Variants in ZNF684 observed in about 807,000 individuals in gnomAD.
ZNF684 encodes hypothetical protein MGC27466.
In ZNF684, 13 loss-of-function variants were observed where a neutral mutation model predicts 12.8. The ratio of observed to expected loss-of-function variants is 1.02; its 90% confidence interval spans 0.66 to 1.62. The LOEUF is 1.62. ZNF684 is among the 40% of genes most tolerant of loss of function. The pLI, the probability that ZNF684 is intolerant of heterozygous loss-of-function variation, is 0.00. For missense variants in ZNF684, 384 were observed against 446.9 expected, an observed-to-expected ratio of 0.86 and a Z score of 1.27; for synonymous variants, 118 against 151.8, an observed-to-expected ratio of 0.78 and a Z score of 1.64.
intron 4 of ZNF684, among the ~76,000 whole-genome samples, chr1:40,545,323 T>A (rs1034282638): frequency 3.3e-5 from 5 of 151,358 alleles, no homozygotes; most frequent in Non-Finnish European, 7.4e-5. Context: ...CTCTCCCCAA[T>A]TTTTTTTTGA....
chr1:40,539,965 CT>C (rs142571184), intron 2 of ZNF684, among the ~76,000 whole-genome samples: 3,764 of 151,926 alleles, frequency 0.025, 155 homozygotes, highest in African/African-American at 0.086. Flanking sequence ...TCCCCTCCCC[CT>C]ATTGTTGAAT....
intron 4 of ZNF684, among the ~76,000 whole-genome samples, chr1:40,543,495 T>G (rs939864323): frequency 6.6e-6 from 1 of 150,944 alleles, no homozygotes; most frequent in African/African-American, 2.4e-5. Context: ...CTTGCTCTGT[T>G]GCCCAGGCTG....
intron 4 of ZNF684, chr1:40,544,431 C>T (rs193020849): frequency 5.0e-5 from 21 of 416,240 alleles, no homozygotes; most frequent in East Asian, 2.8e-4. Context: ...AGTGCAGTGG[C>T]GCAATCTCAG....
Position 40,547,651 on chromosome 1 carries a change from CTATAAAT to C in ZNF684, c.*192_*198del. 2.1e-6 allele frequency: 1 copy of C among 484,208 alleles called. No individual in the cohort carries two copies. The highest frequency in any genetic ancestry group is 3.5e-6 in the Non-Finnish European group (1 of 287,308). The allele number at this position is 484,208 out of a possible 1,614,324, so 30.0% of individuals were successfully genotyped here. A position where few individuals can be genotyped will look rare whatever the true frequency, so the allele number is the denominator to read the frequency against. ...TTACAGAAAATATGACAGAAAACAA[CTATAAAT>C]AATAGAGCATAAAGCTTGGAAAGTA... On this transcript the variant is annotated 3_prime_UTR_variant, in exon 5 of 5. Coordinates refer to ENST00000372699, the MANE Select transcript of ZNF684 (RefSeq NM_152373.4).
In ZNF684 at chr1:40,538,686, C is replaced by T. The variant is rs183413931; in HGVS notation, c.16-1900C>T. ...CAGCCTGGCCAATGTGGTAGAACCC[C>T]GTTTCTACTAAAAATACAAAAATCA... On this transcript the variant is annotated intron_variant, in intron 2 of 4. Transcript: ENST00000372699. Among the ~76,000 whole-genome samples, 316 of 151,840 alleles carry T rather than the reference C, an allele frequency of 2.1e-3. 4 individuals are homozygous for T. Among genetic ancestry groups the T allele is most frequent in the African/African-American group, 7.5e-3 (309 of 41,374 alleles).
chr1:40,542,450 T>C (rs550859102), intron 4 of ZNF684, among the ~76,000 whole-genome samples: 1 of 152,322 alleles, frequency 6.6e-6, no homozygotes, highest in African/African-American at 2.4e-5. Context: ...TTTTTGAAAT[T>C]CCCCTCCAGC....
rs755138219 is a variant in ZNF684, at chr1:40,547,224, T to C, written c.901T>C (p.Cys301Arg). 6.2e-7 allele frequency: 1 copy of C among 1,614,062 alleles called. No homozygotes were observed. The highest frequency in any genetic ancestry group is 1.7e-5 in the Admixed American group (1 of 60,002). ...TCATACAGGAGAGAAACCCTACCAGTGTATCATATGTGGCAAAGCTTTTGG... is the reference window on the plus strand; with the variant it reads ...TCATACAGGAGAGAAACCCTACCAGCGTATCATATGTGGCAAAGCTTTTGG... ...RFHTGEKPYQ[C>R]IICGKAFGNT... Residue 301 changes from cysteine to arginine, a missense_variant, in exon 5 of 5, where the codon TGT (cysteine) becomes CGT (arginine). Transcript: ENST00000372699.
At position 40,547,418 on chromosome 1, in the gene ZNF684, C is replaced by G. The variant is rs1646055480; in HGVS notation, c.1095C>G (p.Ser365=). ...GTAACAGATGTGGGAAAGCATTTTC[C>G]CAGAAGTCAAATCTTATTGTACATC... is the stretch of plus-strand genomic sequence containing the variant. ...YECNRCGKAF[S]QKSNLIVHQK... Residue 365 remains serine, a synonymous_variant, in exon 5 of 5, where the codon TCC becomes TCG. Coordinates refer to ENST00000372699, the MANE Select transcript of ZNF684 (RefSeq NM_152373.4). 6.2e-7 allele frequency: 1 copy of G among 1,610,926 alleles called. No individual in the cohort carries two copies. Among genetic ancestry groups the G allele is most frequent in the Admixed American group, 1.7e-5 (1 of 59,784 alleles).
rs1259385617 is a variant in ZNF684, at chr1:40,546,666, A to G, written c.343A>G (p.Arg115Gly). 1.2e-6 allele frequency: 2 copies of G among 1,607,130 alleles called. No individual in the cohort carries two copies. The highest frequency in any genetic ancestry group is 1.7e-6 in the Non-Finnish European group (2 of 1,178,348). ...ATTCAATAAAATTCTGACTATGGAG[A>G]GAATCCACCATTATAATATGAGCAC... ...LTFNKILTMERIHHYNMSTSL... is the reference protein window; with the variant it reads ...LTFNKILTMEGIHHYNMSTSL... The change falls in exon 5 of 5, where the codon AGA becomes GGA. Residue 115 changes from arginine (R) to glycine (G), a missense_variant. Physicochemically the swap from Arg to Gly is moderately radical, Grantham distance 125 (BLOSUM62 -2). Transcript: ENST00000372699.
At chr1:40,542,894 G>T (rs1646023989) in intron 4 of ZNF684, among the ~76,000 whole-genome samples, 1 of 152,092 alleles carries the variant, frequency 6.6e-6, no homozygotes, top group African/African-American at 2.4e-5. Context: ...TTCCCTTTCT[G>T]CAGAGTTCAC....
chr1:40,536,208 A>G (rs1645983243), intron 2 of ZNF684, among the ~76,000 whole-genome samples: 1 of 152,080 alleles, frequency 6.6e-6, no homozygotes, highest in South Asian at 2.1e-4. Flanking sequence ...CCTGGCTAAC[A>G]TGGTGAAACC....
At chr1:40,532,591 G>A (rs1645963821) in intron 1 of ZNF684, among the ~76,000 whole-genome samples, 3 of 151,828 alleles carry the variant, frequency 2.0e-5, no homozygotes, top group African/African-American at 7.2e-5. Flanking sequence ...ATAGGAGATG[G>A]CGAGTTTCTA....
At chr1:40,541,426 G>C (rs556098486) in intron 3 of ZNF684, 189 bp from the exon 4 acceptor site, 3 of 428,424 alleles carry the variant, frequency 7.0e-6, no homozygotes, top group Non-Finnish European at 9.1e-6. Context: ...CTCATGATCC[G>C]CCCGCCTCAG....
rs1396336430 is a variant in ZNF684, at chr1:40,547,757, ATAAT to A, written c.*300_*303del. On this transcript the variant is annotated 3_prime_UTR_variant, in exon 5 of 5. Transcript: ENST00000372699. Reference sequence around the variant, plus strand: ...CCTGACTTTTAATTTTTATAATAAAATAATTATGCAAGTGTGAGTTTAAAATATA... The same window carrying A: ...CCTGACTTTTAATTTTTATAATAAAATATGCAAGTGTGAGTTTAAAATATA... The A allele has an allele frequency of 1.3e-4, 27 of 205,590 alleles. No individual in the cohort carries two copies. The highest frequency in any genetic ancestry group is 6.3e-4 in the African/African-American group (27 of 42,884). 12.7% of individuals were successfully genotyped at this position (205,590 alleles called of 1,614,324 possible).
At chr1:40,544,504 A>G (rs1029854955) in intron 4 of ZNF684, 3 of 313,914 alleles carry the variant, frequency 9.6e-6, no homozygotes, top group Non-Finnish European at 1.9e-5. Flanking sequence ...GGCGCCCGCC[A>G]CCATGCCTGG....
intron 2 of ZNF684, 140 bp from the exon 3 acceptor site, chr1:40,540,446 G>A (rs1321076475): frequency 5.9e-5 from 52 of 886,776 alleles, no homozygotes; most frequent in Non-Finnish European, 7.0e-5. Flanking sequence ...GCATATTTCC[G>A]AATCAAGCAT....
chr1:40,543,722 CTGGGATTACAGGCGTGA>C (rs1185670352), intron 4 of ZNF684, among the ~76,000 whole-genome samples: 1 of 152,206 alleles, frequency 6.6e-6, no homozygotes, highest in African/African-American at 2.4e-5. Flanking sequence ...TCCCAAAGTG[CTGGGATTACAGGCGTGA>C]GCCACCTCGC....
chr1:40,540,702 C>T lies in ZNF684; in HGVS notation c.132C>T (p.Leu44=), dbSNP rs768271435. 4 of 1,604,266 alleles carry T rather than the reference C, an allele frequency of 2.5e-6. No homozygotes were observed. In the African/African-American group the frequency reaches 4.0e-5, roughly 16 times the overall value. Residue 44 remains leucine (L), a synonymous_variant, in exon 3 of 5, where the codon CTC becomes CTT. Transcript: ENST00000372699. ...TGATGTTGGAGAACTATAGAAACCT[C>T]ATCTCAGTGGGTAAGGACAATGAGT... The part of the protein sequence containing the change: ...WDVMLENYRN[L]ISVGCPITKT...
Position 40,546,522 on chromosome 1 carries a change from GA to G in ZNF684, c.239-35del, listed in dbSNP as rs1358601671. 3.3e-6 allele frequency: 5 copies of G among 1,496,788 alleles called. No individual in the cohort carries two copies. The Admixed American group carries it at 7.3e-5, about 22-fold the overall frequency. The allele number at this position is 1,496,788 out of a possible 1,614,324, so 92.7% of individuals were successfully genotyped here. ...GTTTTTCTCTATAGCATGTTGATGG[GA>G]AAAAGTAACTAGGAATGTTTTGTTG... On this transcript the variant is annotated intron_variant, in intron 4 of 4. Transcript: ENST00000372699.
Sources: gnomAD v4.1 joint callset for allele counts (sites outside exome capture counted in the v4.1 genomes callset) on GRCh38, gnomAD v4.1.1 for gene constraint, MANE v1.5 for transcripts, NCBI Gene and HGNC (gene_info 2026-07-23, HGNC 2026-07-21) for gene names.